LYPD6B: variants seen among roughly 807,000 people sequenced by gnomAD.
The protein encoded by LYPD6B is LY6/PLAUR domain containing 6B.
In LYPD6B, 17 loss-of-function variants were observed where a neutral mutation model predicts 22.8. The observed-to-expected ratio is 0.75, with a 90% CI of 0.51 to 1.12. LYPD6B has a LOEUF of 1.12. Among genes scored for constraint, LYPD6B ranks in the 50% most tolerant of loss-of-function variants. The pLI, the probability that LYPD6B is intolerant of heterozygous loss-of-function variation, is 0.00. For missense variants in LYPD6B, 221 were observed against 258.3 expected, an observed-to-expected ratio of 0.86 and a Z score of 0.99; for synonymous variants, 106 against 91.6, an observed-to-expected ratio of 1.16 and a Z score of -0.90.
At chr2:149,132,014 T>G (rs1363081906) in intron 2 of LYPD6B, among the ~76,000 whole-genome samples, 1 of 151,944 alleles carries the variant, frequency 6.6e-6, no homozygotes, top group Admixed American at 6.6e-5. Context: ...GGAAAAGACA[T>G]GCCAAAGCTA....
At chr2:149,185,193 AG>A (rs1226819668) in intron 3 of LYPD6B, among the ~76,000 whole-genome samples, 2 of 152,234 alleles carry the variant, frequency 1.3e-5, no homozygotes, top group Non-Finnish European at 2.9e-5. Flanking sequence ...CAGGGATTAA[AG>A]GCAAGATTTT....
chr2:149,144,378 T>G (rs367651201), intron 2 of LYPD6B, among the ~76,000 whole-genome samples: 1 of 152,102 alleles, frequency 6.6e-6, no homozygotes, highest in East Asian at 1.9e-4. Flanking sequence ...GACTAGTTTT[T>G]TTTGTTTGTT....
chr2:149,058,846 C>T (rs2105313004), intron 1 of LYPD6B, among the ~76,000 whole-genome samples: 1 of 152,348 alleles, frequency 6.6e-6, no homozygotes, highest in South Asian at 2.1e-4. Context: ...TCTTGAACTC[C>T]TAACCTCAGG....
chr2:149,129,145 G>C (rs987916862), intron 1 of LYPD6B, among the ~76,000 whole-genome samples: 1 of 152,168 alleles, frequency 6.6e-6, no homozygotes, highest in African/African-American at 2.4e-5. Context: ...ACAGAAAAAG[G>C]TCCTCTGCTG....
At chr2:149,065,425 G>A (rs1194146975) in intron 1 of LYPD6B, among the ~76,000 whole-genome samples, 1 of 152,208 alleles carries the variant, frequency 6.6e-6, no homozygotes, top group Non-Finnish European at 1.5e-5. Context: ...ATCACCAAGG[G>A]TTGATCAGAG....
chr2:149,105,289 C>G (rs1686419111), intron 1 of LYPD6B, among the ~76,000 whole-genome samples: 1 of 151,954 alleles, frequency 6.6e-6, no homozygotes, highest in Non-Finnish European at 1.5e-5. Flanking sequence ...TATTCTGGGT[C>G]CTTTTGCATT....
chr2:149,162,650 G>A (rs568891495), intron 3 of LYPD6B, among the ~76,000 whole-genome samples: 35 of 152,276 alleles, frequency 2.3e-4, no homozygotes, highest in Middle Eastern at 3.4e-3. Context: ...GAGAACAGCA[G>A]AAAGAATTAA....
At chr2:149,109,062 A>G (rs1003857393) in intron 1 of LYPD6B, among the ~76,000 whole-genome samples, 3 of 152,188 alleles carry the variant, frequency 2.0e-5, no homozygotes, top group Non-Finnish European at 4.4e-5. Context: ...TTAAACAGTC[A>G]GATATTTATT....
chr2:149,064,915 TG>T (rs1414418887), intron 1 of LYPD6B, among the ~76,000 whole-genome samples: 2 of 152,192 alleles, frequency 1.3e-5, no homozygotes, highest in Non-Finnish European at 2.9e-5. Flanking sequence ...TTTGGTTGGC[TG>T]GCCTGGTACA....
chr2:149,131,004 A>G (rs1687994394), intron 2 of LYPD6B, 51 bp downstream of exon 2: 3 of 1,293,216 alleles, frequency 2.3e-6, no homozygotes, highest in Admixed American at 1.7e-5. Flanking sequence ...TTATTTAACT[A>G]TAAATGCTTA....
At position 149,208,382 on chromosome 2, in the gene LYPD6B, C is replaced by T. The variant is rs779982399; in HGVS notation, c.298C>T (p.Arg100Ter). Reference sequence around the variant, plus strand: ...CGCAGGGGATAATTATAACTGCAATCGATGGGCAGAAGACAAATGGTGTCC... The same window carrying T: ...CGCAGGGGATAATTATAACTGCAATTGATGGGCAGAAGACAAATGGTGTCC... ...ENAGDNYNCNRWAEDKWCPQN... is the reference protein window; with the variant it reads ...ENAGDNYNCN Residue 100 changes from arginine to a stop codon, truncating the protein, a stop_gained, in exon 5 of 7, where the codon CGA becomes TGA. Transcript: ENST00000409642. LOFTEE classifies it high-confidence loss of function. 5.7e-5 allele frequency: 92 copies of T among 1,613,404 alleles called. No homozygotes were observed. The highest frequency in any genetic ancestry group is 7.3e-5 in the Non-Finnish European group (86 of 1,179,570).
chr2:149,078,835 C>A (rs534430924), intron 1 of LYPD6B, among the ~76,000 whole-genome samples: 7 of 151,924 alleles, frequency 4.6e-5, no homozygotes, highest in Non-Finnish European at 8.8e-5. Flanking sequence ...AGCAAGACCC[C>A]CATCTCTAAA....
chr2:149,189,342 T>TTTTATATATATATATATATATATA (rs1553500263), intron 3 of LYPD6B, among the ~76,000 whole-genome samples: 1 of 66,114 alleles, frequency 1.5e-5, no homozygotes, highest in African/African-American at 6.1e-5. Flanking sequence ...TTGTCCAAAA[T>TTTTATATATATATATATATATATA]TATATATATA....
intron 2 of LYPD6B, chr2:149,131,559 C>T (rs1688031642): frequency 6.6e-6 from 1 of 151,914 alleles, no homozygotes; most frequent in Non-Finnish European, 1.5e-5. Flanking sequence ...TGATATAGGC[C>T]ACTAATTACT....
At chr2:149,085,877 T>C (rs1685364994) in intron 1 of LYPD6B, among the ~76,000 whole-genome samples, 1 of 120,704 alleles carries the variant, frequency 8.3e-6, no homozygotes, top group Non-Finnish European at 1.8e-5. Context: ...GATCACAGAC[T>C]AGTAGGAGAG....
Position 149,194,842 on chromosome 2 carries a change from A to G in LYPD6B, c.78-10411A>G, listed in dbSNP as rs149905829. On this transcript the variant is annotated intron_variant, in intron 3 of 6. Transcript: ENST00000409642. ...AGAAGCAAAGAGGGAAGCCAAGGAGAGTTCATTTCCCTTTCACCGACTGGG... is the reference window on the plus strand; with the variant it reads ...AGAAGCAAAGAGGGAAGCCAAGGAGGGTTCATTTCCCTTTCACCGACTGGG... Among the ~76,000 whole-genome samples the G allele has an allele frequency of 1.3e-3, 200 of 152,274 alleles. 1 individual carries two copies. Among genetic ancestry groups the G allele is most frequent in the African/African-American group, 4.6e-3 (193 of 41,560 alleles).
At chr2:149,096,422 T>C (rs1685906598) in intron 1 of LYPD6B, among the ~76,000 whole-genome samples, 2 of 152,220 alleles carry the variant, frequency 1.3e-5, no homozygotes, top group Admixed American at 6.5e-5. Flanking sequence ...ATGTTAGTTA[T>C]TGAATAGAAA....
intron 2 of LYPD6B, among the ~76,000 whole-genome samples, chr2:149,152,845 A>C (rs1689462440): frequency 6.6e-6 from 1 of 152,132 alleles, no homozygotes; most frequent in Admixed American, 6.5e-5. Context: ...GCTCAGTAGG[A>C]ATTTAGCTAT....
At chr2:149,123,545 A>C (rs762246505) in intron 1 of LYPD6B, among the ~76,000 whole-genome samples, 18 of 152,146 alleles carry the variant, frequency 1.2e-4, no homozygotes, top group Admixed American at 5.9e-4. Context: ...TCATGAGAAA[A>C]GGAAAGAAAA....
Sources: gnomAD v4.1 joint callset for allele counts (sites outside exome capture counted in the v4.1 genomes callset) on GRCh38, gnomAD v4.1.1 for gene constraint, MANE v1.5 for transcripts, NCBI Gene and HGNC (gene_info 2026-07-23, HGNC 2026-07-21) for gene names.